WDR44: variants seen among roughly 807,000 people sequenced by gnomAD.
The protein encoded by WDR44 is WD repeat domain 44.
WDR44 carries 9 observed loss-of-function variants against 65.7 expected under a neutral mutation model. The ratio of observed to expected loss-of-function variants is 0.14; its 90% CI spans 0.08 to 0.24. The LOEUF (loss-of-function observed/expected upper bound fraction) is 0.24. Among genes scored for constraint, WDR44 ranks in the 10% least tolerant of loss-of-function variants. The pLI is 1.00. For missense variants in WDR44, 425 were observed against 670.9 expected, an observed-to-expected ratio of 0.63 and a Z score of 4.05; for synonymous variants, 220 against 235.2, an observed-to-expected ratio of 0.94 and a Z score of 0.59.
At chrX:118,355,222 T>A (rs1469418797) in intron 1 of WDR44, among the ~76,000 whole-genome samples, 1 of 112,079 alleles carries the variant, frequency 8.9e-6, no homozygotes, top group South Asian at 3.7e-4. Flanking sequence ...CACTGCCAGC[T>A]TTTTCTTTCC....
chrX:118,398,054 T>A (rs1420891415), intron 7 of WDR44, among the ~76,000 whole-genome samples: 1 of 110,982 alleles, frequency 9.0e-6, no homozygotes, highest in African/African-American at 3.3e-5. Context: ...CTGGGCAACA[T>A]GGTGAAACCC....
rs949041421 is a variant in WDR44 at position 118,368,022 on chromosome X, A to G, written c.78-10397A>G. Among the ~76,000 whole-genome samples the G allele has an allele frequency of 2.7e-5, 3 of 111,769 alleles. No homozygotes were observed. The Admixed American group carries it at 2.9e-4, about 11-fold the overall frequency. On this transcript the variant is annotated intron_variant, in intron 1 of 19. Transcript: ENST00000254029. Reference sequence around the variant, plus strand: ...AGACTACTGTTATATATTTTCTGTTAGATTGGTATTTATTTCTATAAAGTA... The same window carrying G: ...AGACTACTGTTATATATTTTCTGTTGGATTGGTATTTATTTCTATAAAGTA...
chrX:118,406,701 G>T (rs1023803255), intron 9 of WDR44, among the ~76,000 whole-genome samples, 174 bp from the exon 10 acceptor site: 4 of 111,775 alleles, frequency 3.6e-5, no homozygotes, highest in Non-Finnish European at 7.5e-5. Context: ...GACAGAGCTG[G>T]ATTTGAACCT....
chrX:118,359,503 C>T (rs977183128), intron 1 of WDR44, among the ~76,000 whole-genome samples: 25 of 112,067 alleles, frequency 2.2e-4, no homozygotes, highest in African/African-American at 8.1e-4. Flanking sequence ...AGCTGCACTA[C>T]ATACATCATT....
intron 12 of WDR44, among the ~76,000 whole-genome samples, chrX:118,430,126 A>AT (rs1290048371): frequency 9.0e-6 from 1 of 110,994 alleles, no homozygotes; most frequent in Non-Finnish European, 1.9e-5. Context: ...TTTCAAATAC[A>AT]TTTTTTAAAA....
At chrX:118,434,479 C>T (rs1190748329) in intron 13 of WDR44, among the ~76,000 whole-genome samples, 1 of 111,553 alleles carries the variant, frequency 9.0e-6, no homozygotes, top group South Asian at 3.7e-4. Context: ...TTTTATATGA[C>T]TTTTATTTTT....
chrX:118,369,676 G>A (rs1294699050), intron 1 of WDR44, among the ~76,000 whole-genome samples: 2 of 108,965 alleles, frequency 1.8e-5, no homozygotes, highest in Non-Finnish European at 3.8e-5. Flanking sequence ...CACCGTGTTA[G>A]CCAGGATGGT....
chrX:118,360,273 A>G (rs1440206882), intron 1 of WDR44, among the ~76,000 whole-genome samples: 1 of 112,437 alleles, frequency 8.9e-6, no homozygotes, highest in African/African-American at 3.2e-5. Flanking sequence ...AGTATTACAT[A>G]CCACATTTTA....
chrX:118,434,158 C>T (rs781509224), intron 13 of WDR44, among the ~76,000 whole-genome samples: 2 of 111,797 alleles, frequency 1.8e-5, no homozygotes, highest in African/African-American at 3.2e-5. Flanking sequence ...TTATACTTTC[C>T]GTTTTATACT....
intron 13 of WDR44, among the ~76,000 whole-genome samples, chrX:118,433,494 T>C (rs1248896010): frequency 8.9e-6 from 1 of 111,876 alleles, no homozygotes; most frequent in African/African-American, 3.2e-5. Context: ...ACCACCTGGT[T>C]AAGAAATGAC....
Position 118,443,871 on chromosome X carries a change from T to C in WDR44, c.2512+184T>C, listed in dbSNP as rs756771483. On this transcript the variant is annotated intron_variant, in intron 18 of 19. Transcript: ENST00000254029. The stretch of plus-strand genomic sequence containing the variant: ...CATCCTGGCTAACACGGTGAAACTC[T>C]GTCTCTACTAAAAATACAAAAAAAA... 7.2e-5 allele frequency among the ~76,000 whole-genome samples: 8 copies of C among 110,739 alleles called. No homozygotes were observed. In the South Asian group the frequency reaches 3.1e-3, roughly 43 times the overall value.
chrX:118,407,238 C>T (rs1255658575), intron 10 of WDR44, among the ~76,000 whole-genome samples: 3 of 111,992 alleles, frequency 2.7e-5, no homozygotes, highest in Non-Finnish European at 5.6e-5. Flanking sequence ...CGGTGGCTCA[C>T]GCCTGTAATC....
chrX:118,420,321 G>A (rs1041408012), intron 12 of WDR44, among the ~76,000 whole-genome samples: 1 of 110,421 alleles, frequency 9.1e-6, no homozygotes, highest in African/African-American at 3.3e-5. Context: ...GCATGATCTC[G>A]GCTCATTTGC....
At position 118,420,345 on chromosome X, in the gene WDR44, C is replaced by T. The variant is rs146878491; in HGVS notation, c.1737+9386C>T. Reference sequence around the variant, plus strand: ...CGGCTCATTTGCAACCTGCGCCTCCCGGGTTCAAGGGGTTCTCCTGCCTCA... The same window carrying T: ...CGGCTCATTTGCAACCTGCGCCTCCTGGGTTCAAGGGGTTCTCCTGCCTCA... On this transcript the variant is annotated intron_variant, in intron 12 of 19. Coordinates refer to ENST00000254029, the MANE Select transcript of WDR44 (RefSeq NM_019045.5). Among the ~76,000 whole-genome samples, 70 of 110,775 alleles carry T rather than the reference C, an allele frequency of 6.3e-4. 1 individual carries two copies. In the East Asian group the frequency reaches 0.018, roughly 29 times the overall value.
chrX:118,406,106 C>T (rs2056964668), intron 9 of WDR44, among the ~76,000 whole-genome samples: 1 of 111,976 alleles, frequency 8.9e-6, no homozygotes, highest in Non-Finnish European at 1.9e-5. Context: ...CACCATTGCA[C>T]TCCAACCTGA....
chrX:118,442,950 C>CTAT (rs1307252475), intron 17 of WDR44, among the ~76,000 whole-genome samples: 1 of 111,344 alleles, frequency 9.0e-6, no homozygotes, highest in East Asian at 2.8e-4. Context: ...ACTCTCATCT[C>CTAT]TAGAGTTTTT....
chrX:118,354,432 A>C (rs1207181077), intron 1 of WDR44, among the ~76,000 whole-genome samples: 6 of 110,137 alleles, frequency 5.4e-5, no homozygotes, highest in African/African-American at 2.0e-4. Flanking sequence ...AAAAAAAAAA[A>C]AACTATAGTT....
At position 118,448,827 on chromosome X, in the gene WDR44, T is replaced by C. The variant is rs758373446; in HGVS notation, c.2648-66T>C. ...AAGCTGGAGGGTCATGGGCATGTGA[T>C]AATTGTGGCAGCAGGCTTCATATTC... On this transcript the variant is annotated intron_variant, in intron 19 of 19. Transcript: ENST00000254029. 21 of 757,103 alleles carry C rather than the reference T, an allele frequency of 2.8e-5. No individual in the cohort carries two copies. In the South Asian group the frequency reaches 2.8e-4, roughly 10 times the overall value. The allele number at this position is 757,103 out of a possible 1,213,427, so 62.4% of individuals were successfully genotyped here. A position where few individuals can be genotyped will look rare whatever the true frequency, so the allele number is the denominator to read the frequency against.
chrX:118,407,038 T>C lies in WDR44; in HGVS notation c.1533+12T>C, dbSNP rs772679335. On this transcript the variant is annotated intron_variant, in intron 10 of 19. Transcript: ENST00000254029. ...GTGGTGAACATATGGTAAGCAACTT[T>C]TTCATTTTTTAGGATTGATACTGTT... 5 of 1,193,512 alleles carry C rather than the reference T, an allele frequency of 4.2e-6. No individual in the cohort carries two copies. The highest frequency in any genetic ancestry group is 5.6e-6 in the Non-Finnish European group (5 of 887,249).
Sources: allele counts gnomAD v4.1 joint callset (sites outside exome capture counted in the v4.1 genomes callset), GRCh38; gene constraint gnomAD v4.1.1; transcripts MANE v1.5; gene names NCBI Gene and HGNC (gene_info 2026-07-23, HGNC 2026-07-21).